Variants in TRIM49 observed in about 807,000 individuals in gnomAD.
TRIM49 encodes the protein tripartite motif containing 49.
Under a neutral mutation model 27.4 loss-of-function variants are expected in TRIM49, and 5 were observed. The observed-to-expected ratio is 0.18, with a 90% CI of 0.10 to 0.38. TRIM49 has a LOEUF of 0.38. TRIM49 is among the 10% of genes least tolerant of loss of function. The pLI, the probability that TRIM49 is intolerant of heterozygous loss-of-function variation, is 1.00. For missense variants in TRIM49, 188 were observed against 487.5 expected (o/e 0.39, Z 5.79); for synonymous variants, 69 against 166.0 (o/e 0.42, Z 4.49).
chr11:89,790,947 C>A, the TRIM49 span, among the ~76,000 whole-genome samples: 4 of 152,052 alleles, frequency 2.6e-5, no homozygotes, highest in Non-Finnish European at 4.4e-5. Flanking sequence ...GATCAAACTT[C>A]TCCAAGCTAA....
At chr11:89,796,560 G>A (rs1949690925), downstream of TRIM49, among the ~76,000 whole-genome samples, 3 of 145,810 alleles carry the variant, frequency 2.1e-5, no homozygotes, top group Admixed American at 2.0e-4. Flanking sequence ...ACTACCTTAT[G>A]CATTATTTGA....
chr11:89,776,765 A>G, the TRIM49 span, among the ~76,000 whole-genome samples: 1 of 151,932 alleles, frequency 6.6e-6, no homozygotes, highest in Non-Finnish European at 1.5e-5. Context: ...GGAGTCCTGA[A>G]CCAAATCTTC....
At chr11:89,784,666 A>T in the TRIM49 span, among the ~76,000 whole-genome samples, 4 of 142,674 alleles carry the variant, frequency 2.8e-5, 1 homozygote, top group East Asian at 8.6e-4. Flanking sequence ...TTTTCTGTTG[A>T]TGCTAGAACT....
the TRIM49 span, chr11:89,778,074 T>G: frequency 1.8e-6 from 1 of 571,346 alleles, no homozygotes; most frequent in South Asian, 2.0e-5. Flanking sequence ...GGCTTATACT[T>G]TTTAGCTAAA....
intron 6 of TRIM49, among the ~76,000 whole-genome samples, chr11:89,800,533 G>C (rs969676272): frequency 4.0e-5 from 6 of 151,158 alleles, no homozygotes; most frequent in African/African-American, 1.2e-4. Context: ...CACGGGGTCA[G>C]GAGATAGAGA....
At chr11:89,794,531 G>T (rs1427314945), downstream of TRIM49, among the ~76,000 whole-genome samples, 2 of 151,232 alleles carry the variant, frequency 1.3e-5, no homozygotes. Flanking sequence ...GACTCGTGCC[G>T]AAACAGAGAC....
At chr11:89,794,046 G>C (rs1416756015), downstream of TRIM49, among the ~76,000 whole-genome samples, 1 of 140,124 alleles carries the variant, frequency 7.1e-6, no homozygotes, top group Non-Finnish European at 1.6e-5. Context: ...AAAGTCACAG[G>C]GTACAAAATC....
chr11:89,792,673 A>G (rs1949662842), downstream of TRIM49, among the ~76,000 whole-genome samples: 1 of 152,176 alleles, frequency 6.6e-6, no homozygotes, highest in Non-Finnish European at 1.5e-5. Context: ...GAAGGCAGAA[A>G]TAAAGATGTT....
the TRIM49 span, among the ~76,000 whole-genome samples, chr11:89,790,573 G>A: frequency 1.3e-5 from 2 of 151,994 alleles, no homozygotes; most frequent in Non-Finnish European, 2.9e-5. Context: ...CGATCAGGCA[G>A]CAACATTTGC....
At chr11:89,797,474 A>G (rs1949699677), downstream of TRIM49, among the ~76,000 whole-genome samples, 1 of 145,150 alleles carries the variant, frequency 6.9e-6, no homozygotes, top group South Asian at 2.1e-4. Flanking sequence ...TCTGGAAATG[A>G]CTGTGTGTGT....
At chr11:89,795,243 TG>T (rs1177006480), downstream of TRIM49, among the ~76,000 whole-genome samples, 4 of 58 alleles carry the variant, frequency 0.069, no homozygotes, top group Non-Finnish European at 0.12. Context: ...AAACAACAGG[TG>T]CTGGAGAGGA....
chr11:89,798,271 G>C lies in TRIM49; in HGVS notation c.1218C>G (p.Thr406=), dbSNP rs553399063. Residue 406 remains threonine, a synonymous_variant, in exon 8 of 8, where the codon ACC becomes ACG. Transcript: ENST00000329758. ...AATCCAGGAATAATCCTACTCGGCT[G>C]GTAGGTTTTGGGATATATTGCAGCA... is the stretch of plus-strand genomic sequence containing the variant. ...PLMLQYIPKP[T]SRVGLFLDCE... is the part of the protein sequence containing the mutation. The C allele has an allele frequency of 7.5e-5, 119 of 1,577,446 alleles. 7 individuals carry two copies. The highest frequency in any genetic ancestry group is 7.7e-5 in the Non-Finnish European group (90 of 1,168,404).
downstream of TRIM49, among the ~76,000 whole-genome samples, chr11:89,797,421 G>A (rs1234284659): frequency 6.7e-6 from 1 of 148,948 alleles, no homozygotes; most frequent in African/African-American, 2.5e-5. Flanking sequence ...ATCCTTATGA[G>A]AATATTGTAT....
At chr11:89,800,712 C>A (rs1197922597) in intron 6 of TRIM49, among the ~76,000 whole-genome samples, 1 of 150,428 alleles carries the variant, frequency 6.6e-6, no homozygotes. Context: ...CATTGCACTC[C>A]AGCCTGGGCG....
rs1441112807 is a variant in TRIM49, at chr11:89,798,263, A to G, written c.1226T>C (p.Val409Ala). The change falls in exon 8 of 8, where the codon GTA (valine) becomes GCA (alanine). Residue 409 changes from valine (V) to alanine (A), a missense_variant. Physicochemically the swap from Val to Ala is moderately conservative, Grantham distance 64. This residue lies in a region of TRIM49 where 94 missense variants were observed against 149.6 expected (regional missense o/e 0.63). Coordinates refer to ENST00000329758, the MANE Select transcript of TRIM49 (RefSeq NM_020358.2). Reference protein sequence around the residue: ...LQYIPKPTSRVGLFLDCEAKT... With the variant: ...LQYIPKPTSRAGLFLDCEAKT... ...AGCCTCACAATCCAGGAATAATCCT[A>G]CTCGGCTGGTAGGTTTTGGGATATA... 1 of 1,576,764 alleles carries G rather than the reference A, an allele frequency of 6.3e-7. No homozygotes were observed. The highest frequency in any genetic ancestry group is 1.6e-5 in the African/African-American group (1 of 64,034).
chr11:89,789,887 T>C, the TRIM49 span, among the ~76,000 whole-genome samples: 72 of 151,776 alleles, frequency 4.7e-4, no homozygotes, highest in Non-Finnish European at 9.4e-4. Context: ...TTCATCTCAC[T>C]GGGGCTTGTC....
chr11:89,799,927 T>C (rs1949721202), intron 6 of TRIM49, 114 bp from the exon 7 acceptor site: 1 of 1,377,082 alleles, frequency 7.3e-7, no homozygotes, highest in Non-Finnish European at 1.0e-6. Context: ...ATTTGATAAT[T>C]CAAAAATTAA....
chr11:89,786,406 T>G, the TRIM49 span: 1 of 144,514 alleles, frequency 6.9e-6, no homozygotes, highest in Admixed American at 6.8e-5. Flanking sequence ...AGGCAGGAAC[T>G]GCCCCTGGCC....
chr11:89,787,522 C>T, the TRIM49 span: 87 of 527,524 alleles, frequency 1.6e-4, 8 homozygotes, highest in African/African-American at 1.9e-3. Flanking sequence ...TCCCACCTGC[C>T]CCGCTGCCGG....
Sources: allele counts gnomAD v4.1 joint callset (sites outside exome capture counted in the v4.1 genomes callset), GRCh38; gene constraint gnomAD v4.1.1; regional missense constraint gnomAD v4.1.1; transcripts MANE v1.5; gene names NCBI Gene and HGNC (gene_info 2026-07-23, HGNC 2026-07-21).